The following GSK3B variants were observed in gnomAD, a reference collection of about 807,000 sequenced individuals.
GSK3B encodes the protein glycogen synthase kinase 3 beta.
Under a neutral mutation model 56.4 loss-of-function variants are expected in GSK3B, and 15 were observed. The observed-to-expected ratio is 0.27, with a 90% CI of 0.18 to 0.41. The LOEUF is 0.41. GSK3B is among the 10% of genes least tolerant of loss of function. The pLI is 1.00. For missense variants in GSK3B, 300 were observed against 513.4 expected, an observed-to-expected ratio of 0.58 and a Z score of 4.02; for synonymous variants, 181 against 188.9, an observed-to-expected ratio of 0.96 and a Z score of 0.34.
intron 4 of GSK3B, among the ~76,000 whole-genome samples, chr3:119,918,995 ACT>A (rs965926457): frequency 5.7e-4 from 86 of 152,148 alleles, no homozygotes; most frequent in African/African-American, 1.6e-3. Flanking sequence ...AATGCATCCA[ACT>A]CTCTTGTGTG....
At chr3:119,891,967 T>C (rs2056507782) in intron 7 of GSK3B, among the ~76,000 whole-genome samples, 1 of 152,140 alleles carries the variant, frequency 6.6e-6, no homozygotes, top group Non-Finnish European at 1.5e-5. Flanking sequence ...TAGAAATTTA[T>C]CCAAACACTG....
chr3:119,915,014 G>A (rs2107456633), intron 5 of GSK3B, among the ~76,000 whole-genome samples: 1 of 152,172 alleles, frequency 6.6e-6, no homozygotes, highest in African/African-American at 2.4e-5. Flanking sequence ...GAGATTAGGT[G>A]ATTACACCAG....
In GSK3B at chr3:120,029,345, A is replaced by G; in HGVS notation, c.89-27106T>C. 7 of 744,844 alleles carry G rather than the reference A, an allele frequency of 9.4e-6. No individual in the cohort carries two copies. The South Asian group carries it at 9.7e-5, about 10-fold the overall frequency. 46.1% of individuals were successfully genotyped at this position (744,844 alleles called of 1,614,324 possible). A position where few individuals can be genotyped will look rare whatever the true frequency, so the allele number is the denominator to read the frequency against. On this transcript the variant is annotated intron_variant, in intron 1 of 10. Coordinates refer to ENST00000264235, the MANE Select transcript of GSK3B (RefSeq NM_001146156.2). Reference sequence around the variant, plus strand: ...ATTTCGCATCTAATCCAGCCTCAAAAGCCCTTTCTTTTCCAATGTTGCTGT... The same window carrying G: ...ATTTCGCATCTAATCCAGCCTCAAAGGCCCTTTCTTTTCCAATGTTGCTGT...
chr3:120,070,377 G>A (rs1350818818), intron 1 of GSK3B, among the ~76,000 whole-genome samples: 1 of 151,916 alleles, frequency 6.6e-6, no homozygotes, highest in African/African-American at 2.4e-5. Context: ...CTATGTGCCA[G>A]ACACTGTACT....
At chr3:119,869,138 T>C (rs1476384906) in intron 8 of GSK3B, among the ~76,000 whole-genome samples, 3 of 138,874 alleles carry the variant, frequency 2.2e-5, no homozygotes, top group Non-Finnish European at 4.5e-5. Context: ...GCAGGAGAAT[T>C]GCTTGAACCC....
chr3:119,850,956 C>A lies in GSK3B; in HGVS notation c.1097-7603G>T, dbSNP rs1275095295. On this transcript the variant is annotated intron_variant, in intron 9 of 10. Coordinates refer to ENST00000264235, the MANE Select transcript of GSK3B (RefSeq NM_001146156.2). ...GAAGGATAAAAGATAGACTGTGTTA[C>A]CTAGAGACATGGTTTAAAACAAAAC... 5.9e-5 allele frequency among the ~76,000 whole-genome samples: 9 copies of A among 152,076 alleles called. No individual in the cohort carries two copies. In the South Asian group the frequency reaches 6.2e-4, roughly 11 times the overall value.
At chr3:119,984,957 T>C (rs546013559) in intron 2 of GSK3B, among the ~76,000 whole-genome samples, 10 of 152,166 alleles carry the variant, frequency 6.6e-5, no homozygotes, top group South Asian at 4.2e-4. Flanking sequence ...TATTGGCAAA[T>C]TGAATCCAGC....
At chr3:120,089,450 T>C (rs553524859) in intron 1 of GSK3B, among the ~76,000 whole-genome samples, 2 of 152,218 alleles carry the variant, frequency 1.3e-5, no homozygotes, top group Non-Finnish European at 1.5e-5. Context: ...ACCTAATTTT[T>C]AGATGTCATA....
At chr3:120,005,109 T>G (rs2057715260) in intron 1 of GSK3B, among the ~76,000 whole-genome samples, 1 of 151,616 alleles carries the variant, frequency 6.6e-6, no homozygotes, top group Non-Finnish European at 1.5e-5. Context: ...AAAACCAGAG[T>G]ATGAGAACAT....
chr3:120,046,819 C>T (rs1458664593), intron 1 of GSK3B, among the ~76,000 whole-genome samples: 2 of 152,090 alleles, frequency 1.3e-5, no homozygotes, highest in Non-Finnish European at 2.9e-5. Context: ...CCTTGTTGGC[C>T]AGGCCGTTCT....
intron 9 of GSK3B, among the ~76,000 whole-genome samples, chr3:119,857,035 A>G (rs1348420595): frequency 6.6e-6 from 1 of 152,196 alleles, no homozygotes; most frequent in African/African-American, 2.4e-5. Context: ...TAAGCATTAC[A>G]TCTAAAAAAA....
In GSK3B at chr3:120,019,403, T is replaced by C. The variant is rs190081550; in HGVS notation, c.89-17164A>G. 2.7e-3 allele frequency among the ~76,000 whole-genome samples: 404 copies of C among 152,308 alleles called. 7 individuals are homozygous for C. The highest frequency in any genetic ancestry group is 1.4e-3 in the Non-Finnish European group (98 of 68,026). ...AACCCAAAACACTTTATCAACACCT[T>C]TGCTCTCCTCCATCAGGAATCATTT... On this transcript the variant is annotated intron_variant, in intron 1 of 10. Coordinates refer to ENST00000264235, the MANE Select transcript of GSK3B (RefSeq NM_001146156.2).
At chr3:120,047,203 AG>A (rs1228819925) in intron 1 of GSK3B, among the ~76,000 whole-genome samples, 1 of 152,240 alleles carries the variant, frequency 6.6e-6, no homozygotes, top group Non-Finnish European at 1.5e-5. Flanking sequence ...ATTAATGATA[AG>A]TAATGTATTT....
At chr3:120,038,780 C>A (rs1333378200) in intron 1 of GSK3B, among the ~76,000 whole-genome samples, 2 of 149,854 alleles carry the variant, frequency 1.3e-5, no homozygotes, top group African/African-American at 2.5e-5. Flanking sequence ...TTTGGTTTGA[C>A]GAGGACTTTT....
intron 3 of GSK3B, among the ~76,000 whole-genome samples, chr3:119,943,373 C>T (rs969427165): frequency 6.6e-6 from 1 of 151,748 alleles, no homozygotes; most frequent in African/African-American, 2.4e-5. Context: ...TATAGTATAA[C>T]AATGGAATAT....
Position 119,925,400 on chromosome 3 carries a change from T to A in GSK3B, c.367-1917A>T, listed in dbSNP as rs143290655. 1.2e-4 allele frequency among the ~76,000 whole-genome samples: 19 copies of A among 152,282 alleles called. No homozygotes were observed. In the East Asian group the frequency reaches 3.7e-3, roughly 29 times the overall value. On this transcript the variant is annotated intron_variant, in intron 3 of 10. Transcript: ENST00000264235. ...CTTTTCCAGACCACTTAATTTCTTC[T>A]TTCCTCCTCTTCAACCTCTAACACT...
intron 6 of GSK3B, 21 bp downstream of exon 6, chr3:119,912,683 T>C (rs768928626): frequency 1.3e-5 from 13 of 1,012,814 alleles, no homozygotes; most frequent in Admixed American, 3.8e-5. Context: ...TTATGAGCAT[T>C]ATATTCAGAT....
chr3:119,879,531 A>T (rs961303454), intron 7 of GSK3B, among the ~76,000 whole-genome samples: 3 of 152,054 alleles, frequency 2.0e-5, no homozygotes, highest in African/African-American at 7.2e-5. Flanking sequence ...GTATTTTTCG[A>T]TATTTAATTA....
chr3:119,875,498 G>GACAC (rs66880409), intron 8 of GSK3B, among the ~76,000 whole-genome samples: 163 of 145,000 alleles, frequency 1.1e-3, no homozygotes, highest in African/African-American at 1.9e-3. Flanking sequence ...GGTAACCCGT[G>GACAC]ACACACACAC....
Sources: gnomAD v4.1 joint callset for allele counts (sites outside exome capture counted in the v4.1 genomes callset) on GRCh38, gnomAD v4.1.1 for gene constraint, MANE v1.5 for transcripts, NCBI Gene and HGNC (gene_info 2026-07-23, HGNC 2026-07-21) for gene names.